Variants in MED13L observed in about 807,000 individuals in gnomAD.
The protein encoded by MED13L is mediator of RNA polymerase II transcription subunit 13-like.
Under a neutral mutation model 220.9 loss-of-function variants are expected in MED13L, and 7 were observed. That is an observed-to-expected ratio of 0.03 (90% CI 0.02 to 0.06). The LOEUF (loss-of-function observed/expected upper bound fraction) is 0.06, where lower values mean the gene tolerates loss of function less well. Among genes scored for constraint, MED13L ranks in the 10% least tolerant of loss-of-function variants. The pLI is 1.00. For synonymous variants in MED13L, 1,011 were observed against 1,015.2 expected (o/e 1.00, Z 0.08); for missense variants, 1,965 against 2,760.5 (o/e 0.71, Z 6.46).
Position 115,996,641 on chromosome 12 carries a change from A to G in MED13L, c.2831T>C (p.Phe944Ser), listed in dbSNP as rs753989881. The change falls in exon 16 of 31, where the codon TTT becomes TCT. Residue 944 changes from phenylalanine to serine, a missense_variant. By Grantham distance (155) the Phe-to-Ser change is radical. Around this residue, in one of 10 missense-constraint regions of MED13L, gnomAD observed 233 missense variants for 306.2 expected, o/e 0.76. Transcript: ENST00000281928. ...YVHKVPSFQP[F>S]VGSSMFAPLK... is the part of the protein sequence containing the mutation. ...TGGAGCAAACATGGAGGATCCCACA[A>G]AAGGTTGAAAGGATGGAACTTTGTG... 5 of 1,614,132 alleles carry G rather than the reference A, an allele frequency of 3.1e-6. No homozygotes were observed.
At chr12:116,275,444 A>G (rs1466550784) in intron 1 of MED13L, among the ~76,000 whole-genome samples, 1 of 152,230 alleles carries the variant, frequency 6.6e-6, no homozygotes, top group Admixed American at 6.5e-5. Flanking sequence ...GAGTGGGAGC[A>G]ATGATACTAT....
intron 4 of MED13L, among the ~76,000 whole-genome samples, chr12:116,088,075 G>A (rs945453322): frequency 3.3e-5 from 5 of 152,122 alleles, no homozygotes; most frequent in Non-Finnish European, 7.3e-5. Context: ...GATCCTGGGG[G>A]AGGGGAAAGA....
chr12:116,109,483 C>T (rs954215379), intron 3 of MED13L, among the ~76,000 whole-genome samples: 4 of 151,836 alleles, frequency 2.6e-5, no homozygotes, highest in Admixed American at 6.6e-5. Flanking sequence ...AATTCATTTT[C>T]GCATTTGTTC....
intron 2 of MED13L, among the ~76,000 whole-genome samples, chr12:116,198,041 C>T (rs989744709): frequency 3.3e-5 from 5 of 152,118 alleles, no homozygotes; most frequent in African/African-American, 1.2e-4. Flanking sequence ...AACAATAATA[C>T]CATCAATAGT....
chr12:115,972,047 T>C (rs1876622533), intron 26 of MED13L, 31 bp downstream of exon 26: 3 of 1,611,068 alleles, frequency 1.9e-6, no homozygotes, highest in African/African-American at 1.3e-5. Flanking sequence ...ATGTGATATG[T>C]AATTAATGAC....
intron 1 of MED13L, among the ~76,000 whole-genome samples, chr12:116,240,049 T>G (rs1378340622): frequency 1.3e-5 from 2 of 152,166 alleles, no homozygotes; most frequent in African/African-American, 4.8e-5. Context: ...CCACTAGTAG[T>G]AGTACTATTT....
intron 20 of MED13L, among the ~76,000 whole-genome samples, chr12:115,983,766 A>G (rs1346074614): frequency 6.6e-6 from 1 of 152,202 alleles, no homozygotes; most frequent in Non-Finnish European, 1.5e-5. Context: ...TTGAAAAGAG[A>G]AAATCAATCA....
At chr12:115,974,326 A>G (rs900468941) in intron 25 of MED13L, among the ~76,000 whole-genome samples, 7 of 152,250 alleles carry the variant, frequency 4.6e-5, no homozygotes, top group Admixed American at 3.3e-4. Context: ...AATCTGTGAC[A>G]TTAAGTCTTT....
At chr12:116,205,619 A>C (rs1482597107) in intron 2 of MED13L, among the ~76,000 whole-genome samples, 1 of 151,646 alleles carries the variant, frequency 6.6e-6, no homozygotes, top group East Asian at 1.9e-4. Context: ...GGAGGGAGAA[A>C]CTGAGCTATC....
chr12:116,140,243 A>G (rs56178625), intron 2 of MED13L, among the ~76,000 whole-genome samples: 22,722 of 151,928 alleles, frequency 0.15, 1,868 homozygotes, highest in South Asian at 0.21. Context: ...ATGCGTGATT[A>G]TTGTCTACCT....
intron 4 of MED13L, among the ~76,000 whole-genome samples, chr12:116,040,564 T>C (rs1592977389): frequency 6.6e-6 from 1 of 152,148 alleles, no homozygotes; most frequent in East Asian, 1.9e-4. Context: ...GCCAGGTCAT[T>C]TACTCAAAAA....
intron 1 of MED13L, among the ~76,000 whole-genome samples, chr12:116,262,473 G>A (rs551352896): frequency 6.6e-6 from 1 of 152,202 alleles, no homozygotes; most frequent in African/African-American, 2.4e-5. Flanking sequence ...CAGCTCTGTG[G>A]GTTCTTAACA....
intron 4 of MED13L, among the ~76,000 whole-genome samples, chr12:116,055,753 G>T (rs1249893614): frequency 6.6e-6 from 1 of 152,110 alleles, no homozygotes; most frequent in Non-Finnish European, 1.5e-5. Context: ...AATTAGCCGG[G>T]CTTGATAGCG....
At chr12:116,019,682 T>A in intron 6 of MED13L, 96 bp downstream of exon 6, 1 of 1,387,212 alleles carries the variant, frequency 7.2e-7, no homozygotes, top group Non-Finnish European at 1.0e-6. Flanking sequence ...AAAAGATGGG[T>A]ATGGAGATTA....
intron 25 of MED13L, 66 bp from the exon 26 acceptor site, chr12:115,972,302 T>C: frequency 1.3e-6 from 2 of 1,587,752 alleles, no homozygotes; most frequent in Non-Finnish European, 1.7e-6. Flanking sequence ...ATTTGAGCTT[T>C]TTAGCAGTTC....
chr12:116,129,141 T>A (rs146365722), intron 2 of MED13L, among the ~76,000 whole-genome samples: 1,911 of 152,298 alleles, frequency 0.013, 19 homozygotes, highest in Non-Finnish European at 0.021. Context: ...TTTAATAAAG[T>A]ATAACTCAAG....
chr12:116,235,417 A>C (rs553882105), intron 2 of MED13L, among the ~76,000 whole-genome samples: 3 of 152,188 alleles, frequency 2.0e-5, no homozygotes, highest in African/African-American at 7.2e-5. Flanking sequence ...TACTACATTT[A>C]ATTAGAAAAT....
At chr12:116,135,999 G>A (rs1186344070) in intron 2 of MED13L, among the ~76,000 whole-genome samples, 4 of 151,856 alleles carry the variant, frequency 2.6e-5, no homozygotes, top group African/African-American at 9.7e-5. Flanking sequence ...CGCCTCCTGG[G>A]TTCAAACAAT....
intron 3 of MED13L, among the ~76,000 whole-genome samples, chr12:116,100,652 T>G (rs1470413151): frequency 6.7e-6 from 1 of 149,796 alleles, no homozygotes; most frequent in Non-Finnish European, 1.5e-5. Flanking sequence ...GGCTCAGGCC[T>G]GTAATCCCAG....
Sources: gnomAD v4.1 joint callset for allele counts (sites outside exome capture counted in the v4.1 genomes callset) on GRCh38, gnomAD v4.1.1 for gene constraint, gnomAD v4.1.1 regional missense constraint, MANE v1.5 for transcripts, NCBI Gene and HGNC (gene_info 2026-07-23, HGNC 2026-07-21) for gene names.